The following SLC2A13 variants were observed in gnomAD, a reference collection of about 807,000 sequenced individuals.
The protein encoded by SLC2A13 is proton myo-inositol cotransporter.
SLC2A13 carries 32 observed loss-of-function variants against 64.4 expected under a neutral mutation model. That is an observed-to-expected ratio of 0.50 (90% CI 0.37 to 0.67). The LOEUF (loss-of-function observed/expected upper bound fraction) is 0.67. Among genes scored for constraint, SLC2A13 ranks in the 30% least tolerant of loss-of-function variants. SLC2A13 has a pLI of 0.00. For synonymous variants in SLC2A13, 338 were observed against 327.1 expected (o/e 1.03, Z -0.36); for missense variants, 743 against 829.2 (o/e 0.90, Z 1.28).
At chr12:39,978,275 C>CTTTA (rs1946802286) in intron 3 of SLC2A13, among the ~76,000 whole-genome samples, 1 of 152,208 alleles carries the variant, frequency 6.6e-6, no homozygotes, top group South Asian at 2.1e-4. Flanking sequence ...CCAACTTGTA[C>CTTTA]TTTAGAGTCA....
chr12:39,766,826 T>C (rs1273191858), intron 7 of SLC2A13, among the ~76,000 whole-genome samples: 2 of 152,192 alleles, frequency 1.3e-5, no homozygotes, highest in South Asian at 2.1e-4. Context: ...AGTTTTATCA[T>C]GAGATTGCAG....
chr12:39,824,678 G>C (rs1942621175), intron 7 of SLC2A13, among the ~76,000 whole-genome samples: 1 of 152,168 alleles, frequency 6.6e-6, no homozygotes, highest in African/African-American at 2.4e-5. Flanking sequence ...AGCCCTGTGA[G>C]GTGTTCCAGT....
intron 6 of SLC2A13, among the ~76,000 whole-genome samples, chr12:39,856,409 G>A (rs931575127): frequency 3.3e-5 from 5 of 151,922 alleles, no homozygotes; most frequent in African/African-American, 1.2e-4. Flanking sequence ...TCACTCTGTC[G>A]CCAGGCTGGT....
intron 1 of SLC2A13, among the ~76,000 whole-genome samples, chr12:40,050,401 A>C (rs1948235761): frequency 1.3e-5 from 2 of 152,200 alleles, no homozygotes; most frequent in Admixed American, 1.3e-4. Context: ...TCAGACCCTG[A>C]TAAAGTTCGA....
intron 7 of SLC2A13, among the ~76,000 whole-genome samples, chr12:39,829,246 A>T (rs1031944076): frequency 2.6e-5 from 4 of 151,736 alleles, no homozygotes; most frequent in Non-Finnish European, 5.9e-5. Context: ...AACCAAAAAC[A>T]TTAAGGTTTC....
chr12:39,828,917 T>C (rs1002099899), intron 7 of SLC2A13, among the ~76,000 whole-genome samples: 1 of 152,144 alleles, frequency 6.6e-6, no homozygotes, highest in Non-Finnish European at 1.5e-5. Context: ...GTAATTAGTA[T>C]ATTTAAAATG....
chr12:40,068,827 CTT>C (rs747284351), intron 1 of SLC2A13, among the ~76,000 whole-genome samples: 14 of 150,516 alleles, frequency 9.3e-5, no homozygotes, highest in African/African-American at 1.2e-4. Context: ...TATGAGATCT[CTT>C]GTTTTTTTTT....
chr12:40,005,615 C>A (rs1947401420), intron 3 of SLC2A13, among the ~76,000 whole-genome samples: 1 of 152,180 alleles, frequency 6.6e-6, no homozygotes, highest in Admixed American at 6.5e-5. Flanking sequence ...ATTCTTAGGC[C>A]TCCCGTTAGA....
chr12:39,912,545 C>T (rs1001345499), intron 4 of SLC2A13, among the ~76,000 whole-genome samples: 1 of 152,054 alleles, frequency 6.6e-6, no homozygotes, highest in African/African-American at 2.4e-5. Context: ...AAGTTATAAT[C>T]GAGGAAGATT....
In SLC2A13 at chr12:40,105,550, A is replaced by T. The variant is rs1474374571; in HGVS notation, c.259T>A (p.Phe87Ile). 1 of 1,579,430 alleles carries T rather than the reference A, an allele frequency of 6.3e-7. No homozygotes were observed. Reference protein sequence around the residue: ...TPAFVYVVAVFSALGGFLFGY... With the variant: ...TPAFVYVVAVISALGGFLFGY... ...AACAGGAAGCCGCCCAGCGCGGAGA[A>T]GACGGCCACCACGTACACGAAGGCG... is the stretch of plus-strand genomic sequence containing the variant. Residue 87 changes from phenylalanine to isoleucine, a missense_variant, in exon 1 of 10, where the codon TTC (phenylalanine) becomes ATC (isoleucine). Physicochemically the swap from Phe to Ile is conservative, Grantham distance 21. This residue lies in a region of SLC2A13 where 448 missense variants were observed against 447.4 expected (regional missense o/e 1.00). Transcript: ENST00000280871. The surrounding 1 kb of genome is among the most constrained non-coding windows in gnomAD (Gnocchi z 4.2).
chr12:39,892,335 T>A (rs1309603604), intron 4 of SLC2A13, among the ~76,000 whole-genome samples: 1 of 152,170 alleles, frequency 6.6e-6, no homozygotes, highest in African/African-American at 2.4e-5. Context: ...GACTTGTGTG[T>A]GTGTGTGTTT....
intron 6 of SLC2A13, among the ~76,000 whole-genome samples, chr12:39,837,172 C>T (rs1320958567): frequency 1.5e-5 from 2 of 136,340 alleles, no homozygotes; most frequent in Non-Finnish European, 3.1e-5. Context: ...ACAGAGCCCT[C>T]AGAAATAATG....
intron 7 of SLC2A13, among the ~76,000 whole-genome samples, chr12:39,812,075 C>T (rs1025156439): frequency 2.6e-5 from 4 of 152,112 alleles, no homozygotes; most frequent in Admixed American, 2.6e-4. Context: ...ATGGCTCTTA[C>T]ACAAAGAAAT....
chr12:39,766,622 A>G (rs1306180582), intron 7 of SLC2A13, among the ~76,000 whole-genome samples: 1 of 151,964 alleles, frequency 6.6e-6, no homozygotes, highest in African/African-American at 2.4e-5. Context: ...CATGCATTTT[A>G]CCCAGATAAC....
rs916783109 is a variant in SLC2A13, at chr12:39,992,112, C to T, written c.925+36189G>A. 4.6e-5 allele frequency among the ~76,000 whole-genome samples: 7 copies of T among 152,230 alleles called. No homozygotes were observed. In the East Asian group the frequency reaches 5.8e-4, roughly 13 times the overall value. On this transcript the variant is annotated intron_variant, in intron 3 of 9. Transcript: ENST00000280871. ...CCCTGGTACCTGTGACCTTGCTCAGCGATGCCTGATGTAGGGGTAGAAGAG... is the reference window on the plus strand; with the variant it reads ...CCCTGGTACCTGTGACCTTGCTCAGTGATGCCTGATGTAGGGGTAGAAGAG...
intron 7 of SLC2A13, among the ~76,000 whole-genome samples, chr12:39,779,497 G>T (rs750212184): frequency 6.6e-6 from 1 of 151,982 alleles, no homozygotes; most frequent in Non-Finnish European, 1.5e-5. Flanking sequence ...TTCCCCAGGC[G>T]TCATAGGCCA....
intron 4 of SLC2A13, among the ~76,000 whole-genome samples, chr12:39,876,566 T>C: frequency 6.6e-6 from 1 of 152,070 alleles, no homozygotes; most frequent in East Asian, 1.9e-4. Flanking sequence ...CTTACTAAAT[T>C]AAAAATTAAA....
chr12:39,935,584 C>G (rs532634461), intron 4 of SLC2A13, among the ~76,000 whole-genome samples: 1 of 152,110 alleles, frequency 6.6e-6, no homozygotes, highest in Admixed American at 6.6e-5. Flanking sequence ...AGTATGTGTA[C>G]GGTCTTTTGG....
chr12:39,841,762 C>T (rs1423782418), intron 6 of SLC2A13, among the ~76,000 whole-genome samples: 1 of 151,912 alleles, frequency 6.6e-6, no homozygotes, highest in Admixed American at 6.6e-5. Flanking sequence ...CTAATCTTCT[C>T]TGGTGACAAT....
Sources: gnomAD v4.1 joint callset for allele counts (sites outside exome capture counted in the v4.1 genomes callset) on GRCh38, gnomAD v4.1.1 for gene constraint, gnomAD v4.1.1 regional missense constraint, Gnocchi (gnomAD v3.1) non-coding constraint, MANE v1.5 for transcripts, NCBI Gene and HGNC (gene_info 2026-07-23, HGNC 2026-07-21) for gene names.